TMEM212: variants seen among roughly 807,000 people sequenced by gnomAD.
TMEM212 encodes transmembrane protein 212.
A neutral mutation model predicts 20.5 loss-of-function variants in TMEM212; 23 were observed. The observed-to-expected ratio is 1.12, with a 90% CI of 0.81 to 1.59. The LOEUF is 1.59. TMEM212 is among the 40% of genes most tolerant of loss of function. TMEM212 has a pLI of 0.00. For synonymous variants in TMEM212, 76 were observed against 81.6 expected, an observed-to-expected ratio of 0.93 and a Z score of 0.37; for missense variants, 211 against 215.0, an observed-to-expected ratio of 0.98 and a Z score of 0.12.
rs890431821 is a variant in TMEM212, at chr3:171,852,018, A to C, written c.196A>C (p.Arg66=). Residue 66 remains arginine, a synonymous_variant, in exon 2 of 5, where the codon AGA becomes CGA. Coordinates refer to ENST00000334567, the MANE Select transcript of TMEM212 (RefSeq NM_001164436.2). Reference sequence around the variant, plus strand: ...TGGTGTGCTTCTACTGTTGGCTTACAGAGAGTGGACCCAGAGGTACCTGGT... The same window carrying C: ...TGGTGTGCTTCTACTGTTGGCTTACCGAGAGTGGACCCAGAGGTACCTGGT... ...TTGVLLLLAY[R]EWTQRYLGEA... is the part of the protein sequence containing the mutation. 6 of 1,536,942 alleles carry C rather than the reference A, an allele frequency of 3.9e-6. No individual in the cohort carries two copies. In the African/African-American group the frequency reaches 8.2e-5, roughly 21 times the overall value.
In TMEM212 at chr3:171,852,014, T is replaced by A; in HGVS notation, c.192T>A (p.Ala64=). 6.5e-7 allele frequency: 1 copy of A among 1,537,046 alleles called. No homozygotes were observed. The highest frequency in any genetic ancestry group is 8.7e-7 in the Non-Finnish European group (1 of 1,146,722). ...AITTGVLLLL[A]YREWTQRYLG... is the part of the protein sequence containing the mutation. ...CAACTGGTGTGCTTCTACTGTTGGC[T>A]TACAGAGAGTGGACCCAGAGGTACC... Residue 64 remains alanine, a synonymous_variant, in exon 2 of 5, where the codon GCT becomes GCA. Coordinates refer to ENST00000334567, the MANE Select transcript of TMEM212 (RefSeq NM_001164436.2).
intron 3 of TMEM212, among the ~76,000 whole-genome samples, chr3:171,856,407 A>G (rs1725118404): frequency 6.6e-6 from 1 of 152,166 alleles, no homozygotes; most frequent in South Asian, 2.1e-4. Flanking sequence ...TTGCCCTGAG[A>G]AGAGGACTGC....
At chr3:171,856,767 T>C (rs926685484) in intron 4 of TMEM212, 60 bp downstream of exon 4, 29 of 553,402 alleles carry the variant, frequency 5.2e-5, no homozygotes, top group East Asian at 2.4e-4. Context: ...CACAGATTAA[T>C]AGAATTATAA....
chr3:171,852,399 C>A lies in TMEM212; in HGVS notation c.219+358C>A, dbSNP rs373725965. Reference sequence around the variant, plus strand: ...TATTTCTAGTAAAGACAGGGTTTCGCCATGTTGGCCAGGCTGGTCTCAAAC... The same window carrying A: ...TATTTCTAGTAAAGACAGGGTTTCGACATGTTGGCCAGGCTGGTCTCAAAC... On this transcript the variant is annotated intron_variant, in intron 2 of 4. Transcript: ENST00000334567. Among the ~76,000 whole-genome samples the A allele has an allele frequency of 1.3e-3, 201 of 152,244 alleles. 1 individual carries two copies. Among genetic ancestry groups the A allele is most frequent in the African/African-American group, 4.8e-3 (198 of 41,544 alleles).
chr3:171,851,264 G>C (rs1379803634), intron 1 of TMEM212, among the ~76,000 whole-genome samples: 1 of 152,172 alleles, frequency 6.6e-6, no homozygotes, highest in African/African-American at 2.4e-5. Context: ...CTGAATCAAA[G>C]AGCCAGGAAT....
Position 171,858,990 on chromosome 3 carries a change from G to A in TMEM212, c.*933G>A, listed in dbSNP as rs1383759680. ...CAGCCATAAAAAAGGATGAGTTCAT[G>A]TCCTTTGCAGGGACATAGATGAAGC... On this transcript the variant is annotated 3_prime_UTR_variant, in exon 5 of 5. Transcript: ENST00000334567. The A allele has an allele frequency of 6.6e-6, 1 of 152,204 alleles. No homozygotes were observed. Among genetic ancestry groups the A allele is most frequent in the Non-Finnish European group, 1.5e-5 (1 of 68,060 alleles). 9.4% of individuals were successfully genotyped at this position (152,204 alleles called of 1,614,324 possible). A position where few individuals can be genotyped will look rare whatever the true frequency, so the allele number is the denominator to read the frequency against.
intron 1 of TMEM212, among the ~76,000 whole-genome samples, chr3:171,847,118 T>C (rs1724850988): frequency 6.6e-6 from 1 of 152,246 alleles, no homozygotes; most frequent in South Asian, 2.1e-4. Context: ...TCCTAGAATT[T>C]TGGAGCTAGG....
rs1236328227 is a variant in TMEM212 at position 171,843,378 on chromosome 3, A to C, written c.-6A>C. ...TTGAGACCAAGGCCTCAAGCCACCA[A>C]GGAAAATGAAGGGCCTCTACCAGGC... On this transcript the variant is annotated 5_prime_UTR_variant, in exon 1 of 5. Coordinates refer to ENST00000334567, the MANE Select transcript of TMEM212 (RefSeq NM_001164436.2). 1 of 1,532,292 alleles carries C rather than the reference A, an allele frequency of 6.5e-7. No individual in the cohort carries two copies. The highest frequency in any genetic ancestry group is 2.0e-5 in the Admixed American group (1 of 50,306). 94.9% of individuals were successfully genotyped at this position (1,532,292 alleles called of 1,614,324 possible). A position where few individuals can be genotyped will look rare whatever the true frequency, so the allele number is the denominator to read the frequency against.
rs566908004 is a variant in TMEM212 at position 171,850,586 on chromosome 3, C to T, written c.160-1396C>T. Among the ~76,000 whole-genome samples the T allele has an allele frequency of 3.7e-4, 56 of 152,294 alleles. No homozygotes were observed. The South Asian group carries it at 0.012, about 32-fold the overall frequency. On this transcript the variant is annotated intron_variant, in intron 1 of 4. Coordinates refer to ENST00000334567, the MANE Select transcript of TMEM212 (RefSeq NM_001164436.2). ...ATGTGTCAATTGAGGGCCATGCCTC[C>T]CAAAGCACAGAAAGCCCCAGGCTTA...
chr3:171,850,835 CTG>C (rs141008600), intron 1 of TMEM212, among the ~76,000 whole-genome samples: 43 of 151,498 alleles, frequency 2.8e-4, no homozygotes, highest in African/African-American at 8.9e-4. Context: ...AAGTGTGTGT[CTG>C]TGTGTGTGTG....
At chr3:171,843,744 G>T (rs897339067) in intron 1 of TMEM212, among the ~76,000 whole-genome samples, 4 of 152,020 alleles carry the variant, frequency 2.6e-5, no homozygotes, top group African/African-American at 9.7e-5. Context: ...GTTTTATCAT[G>T]TATACATGTA....
At chr3:171,846,731 T>C (rs1042200623) in intron 1 of TMEM212, among the ~76,000 whole-genome samples, 1 of 152,208 alleles carries the variant, frequency 6.6e-6, no homozygotes, top group African/African-American at 2.4e-5. Flanking sequence ...GCTCAGTCTT[T>C]CAATAATGTC....
At chr3:171,857,558 A>G (rs564445815) in intron 4 of TMEM212, among the ~76,000 whole-genome samples, 89 of 152,322 alleles carry the variant, frequency 5.8e-4, no homozygotes, top group African/African-American at 2.1e-3. Context: ...ACTACATCAA[A>G]CTAAAAAGCT....
intron 1 of TMEM212, among the ~76,000 whole-genome samples, chr3:171,849,947 A>G (rs1048504025): frequency 6.6e-6 from 1 of 151,968 alleles, no homozygotes; most frequent in African/African-American, 2.4e-5. Flanking sequence ...TCACTGCCAG[A>G]CACAGCCTCC....
intron 1 of TMEM212, among the ~76,000 whole-genome samples, chr3:171,850,344 A>G (rs1048400208): frequency 3.9e-5 from 6 of 152,348 alleles, no homozygotes; most frequent in Admixed American, 2.0e-4. Context: ...GCAAAATTCA[A>G]GCTGGCAGCT....
chr3:171,856,984 G>C (rs971636290), intron 4 of TMEM212: 3 of 248,846 alleles, frequency 1.2e-5, no homozygotes, highest in African/African-American at 6.7e-5. Context: ...CAAAGTATAG[G>C]GTAGTACCTG....
chr3:171,852,006 C>T lies in TMEM212; in HGVS notation c.184C>T (p.Leu62=). The T allele has an allele frequency of 1.3e-6, 2 of 1,537,052 alleles. No homozygotes were observed. Among genetic ancestry groups the T allele is most frequent in the Non-Finnish European group, 1.7e-6 (2 of 1,146,734 alleles). ...ALAITTGVLL[L]LAYREWTQRY... ...GGCCATCACAACTGGTGTGCTTCTA[C>T]TGTTGGCTTACAGAGAGTGGACCCA... is the stretch of plus-strand genomic sequence containing the variant. Residue 62 remains leucine, a synonymous_variant, in exon 2 of 5, where the codon CTG becomes TTG. Coordinates refer to ENST00000334567, the MANE Select transcript of TMEM212 (RefSeq NM_001164436.2).
At chr3:171,855,730 C>T (rs1480626236) in intron 3 of TMEM212, among the ~76,000 whole-genome samples, 1 of 152,134 alleles carries the variant, frequency 6.6e-6, no homozygotes, top group Non-Finnish European at 1.5e-5. Flanking sequence ...TTCCCATAAT[C>T]TTAGTAATCT....
chr3:171,849,185 CCTCT>C (rs1265776409), intron 1 of TMEM212, among the ~76,000 whole-genome samples: 3 of 152,088 alleles, frequency 2.0e-5, no homozygotes, highest in Non-Finnish European at 4.4e-5. Flanking sequence ...AGCTGCCCTC[CCTCT>C]GTCACCTCCC....
Sources: allele counts gnomAD v4.1 joint callset (sites outside exome capture counted in the v4.1 genomes callset), GRCh38; gene constraint gnomAD v4.1.1; transcripts MANE v1.5; gene names NCBI Gene and HGNC (gene_info 2026-07-23, HGNC 2026-07-21).